The following PHLPP1 variants were observed in gnomAD, a reference collection of about 807,000 sequenced individuals.
The protein encoded by PHLPP1 is PH domain leucine-rich repeat-containing protein phosphatase 1.
Under a neutral mutation model 117.2 loss-of-function variants are expected in PHLPP1, and 42 were observed. The observed-to-expected ratio is 0.36, with a 90% CI of 0.28 to 0.46. The LOEUF (loss-of-function observed/expected upper bound fraction) is 0.46, where lower values mean the gene tolerates loss of function less well. PHLPP1 is among the 20% of genes least tolerant of loss of function. The pLI is 1.00. For missense variants in PHLPP1, 2,084 were observed against 2,241.9 expected (o/e 0.93, Z 1.42); for synonymous variants, 1,042 against 970.7 (o/e 1.07, Z -1.37).
chr18:62,782,264 T>C (rs1037795706), intron 1 of PHLPP1, among the ~76,000 whole-genome samples: 2 of 152,264 alleles, frequency 1.3e-5, no homozygotes, highest in African/African-American at 4.8e-5. Context: ...GATTTTTGCT[T>C]GTATTTGTGA....
chr18:62,721,034 G>A (rs1232392535), intron 1 of PHLPP1, among the ~76,000 whole-genome samples: 7 of 152,122 alleles, frequency 4.6e-5, no homozygotes, highest in African/African-American at 1.7e-4. Flanking sequence ...CACTTTCCAT[G>A]AATCGATGCT....
intron 15 of PHLPP1, among the ~76,000 whole-genome samples, chr18:62,973,814 T>C (rs1834382462): frequency 6.6e-6 from 1 of 152,180 alleles, no homozygotes; most frequent in Non-Finnish European, 1.5e-5. Flanking sequence ...GTGTCATAAA[T>C]TGTTACCAGT....
rs187340249 is a variant in PHLPP1, at chr18:62,751,055, T to C, written c.1576+33796T>C. ...AAAACCAACACCAACAAAAAAGCAG[T>C]GTTAGCCACGTTTGATTTTTTCGGT... On this transcript the variant is annotated intron_variant, in intron 1 of 16. Transcript: ENST00000262719. Among the ~76,000 whole-genome samples the C allele has an allele frequency of 1.8e-4, 28 of 152,294 alleles. 1 individual carries two copies. In the East Asian group the frequency reaches 4.4e-3, roughly 24 times the overall value.
chr18:62,896,378 G>A (rs1599108470), intron 6 of PHLPP1, among the ~76,000 whole-genome samples: 1 of 148,812 alleles, frequency 6.7e-6, no homozygotes, highest in African/African-American at 2.5e-5. Flanking sequence ...TGCAAGCTCC[G>A]CCTGCCAGGT....
chr18:62,834,114 C>T (rs539496064), intron 2 of PHLPP1, among the ~76,000 whole-genome samples: 5 of 152,002 alleles, frequency 3.3e-5, no homozygotes, highest in South Asian at 2.1e-4. Context: ...GGGGGGTGGG[C>T]GTTTCTTTTG....
chr18:62,922,383 C>T (rs1229036316), intron 10 of PHLPP1, among the ~76,000 whole-genome samples: 1 of 152,198 alleles, frequency 6.6e-6, no homozygotes, highest in Non-Finnish European at 1.5e-5. Flanking sequence ...GTGATCCACC[C>T]GCCTTGGCCT....
intron 10 of PHLPP1, among the ~76,000 whole-genome samples, chr18:62,924,526 G>A (rs117765523): frequency 0.01 from 1,571 of 151,814 alleles, 16 homozygotes; most frequent in Non-Finnish European, 0.015. Context: ...TTTTAATTAC[G>A]TGATACTGTC....
chr18:62,915,754 A>C (rs1909250367), intron 9 of PHLPP1, among the ~76,000 whole-genome samples: 2 of 152,230 alleles, frequency 1.3e-5, no homozygotes, highest in Non-Finnish European at 2.9e-5. Flanking sequence ...AGTGCTCTGC[A>C]TCTGTGCTGG....
chr18:62,862,569 A>G (rs1276707206), intron 4 of PHLPP1, among the ~76,000 whole-genome samples: 1 of 152,210 alleles, frequency 6.6e-6, no homozygotes, highest in Non-Finnish European at 1.5e-5. Context: ...ATGTCTGCCA[A>G]ATACCCAAGT....
chr18:62,892,911 TTCTGAAAGGGTCTCGGGTACC>T (rs1916463483), intron 4 of PHLPP1, among the ~76,000 whole-genome samples: 2 of 151,860 alleles, frequency 1.3e-5, no homozygotes, highest in South Asian at 4.2e-4. Context: ...CATGTGGATC[TTCTGAAAGGGTCTCGGGTACC>T]TCCTCTGGGG....
At chr18:62,862,729 G>A (rs1173630583) in intron 4 of PHLPP1, among the ~76,000 whole-genome samples, 1 of 152,122 alleles carries the variant, frequency 6.6e-6, no homozygotes, top group East Asian at 1.9e-4. Context: ...AGTGTTTTTT[G>A]TGTACTTCCT....
chr18:62,873,633 G>A (rs1915965000), intron 4 of PHLPP1, among the ~76,000 whole-genome samples: 1 of 152,094 alleles, frequency 6.6e-6, no homozygotes. Context: ...TCTAGAAATG[G>A]AATTACTTTT....
At chr18:62,736,120 G>A (rs1459872227) in intron 1 of PHLPP1, among the ~76,000 whole-genome samples, 4 of 152,128 alleles carry the variant, frequency 2.6e-5, no homozygotes, top group Non-Finnish European at 5.9e-5. Flanking sequence ...ACCTCTGCTT[G>A]TCCATTCCTG....
chr18:62,916,605 G>GGTGTGGGTGTGTGTGTGTGT (rs1555681662), intron 9 of PHLPP1, among the ~76,000 whole-genome samples: 5 of 145,768 alleles, frequency 3.4e-5, no homozygotes, highest in African/African-American at 1.3e-4. Flanking sequence ...CAAGAGGGTG[G>GGTGTGGGTGTGTGTGTGTGT]GTGTGTGTGT....
chr18:62,952,092 ACAGGCGTGAGCCACCG>A (rs1210014809), intron 12 of PHLPP1, among the ~76,000 whole-genome samples: 8 of 151,900 alleles, frequency 5.3e-5, no homozygotes, highest in Non-Finnish European at 1.5e-5. Context: ...TGCTGGGATT[ACAGGCGTGAGCCACCG>A]CGCCCGGCCA....
intron 1 of PHLPP1, among the ~76,000 whole-genome samples, chr18:62,782,115 A>G (rs775339611): frequency 6.6e-6 from 1 of 152,316 alleles, no homozygotes. Context: ...TCAGATGCCA[A>G]AGGGGTTTGT....
chr18:62,777,642 T>C (rs556028336), intron 1 of PHLPP1, among the ~76,000 whole-genome samples: 2 of 152,182 alleles, frequency 1.3e-5, no homozygotes, highest in African/African-American at 2.4e-5. Flanking sequence ...TGAGTTTTCT[T>C]CTAGAAGCTC....
intron 12 of PHLPP1, among the ~76,000 whole-genome samples, chr18:62,949,356 A>G (rs538747144): frequency 6.6e-6 from 1 of 152,328 alleles, no homozygotes; most frequent in South Asian, 2.1e-4. Flanking sequence ...ATGCTAAAAT[A>G]TGTTTTTAAA....
At chr18:62,764,648 A>G (rs1599033662) in intron 1 of PHLPP1, among the ~76,000 whole-genome samples, 1 of 135,444 alleles carries the variant, frequency 7.4e-6, no homozygotes, top group Non-Finnish European at 1.6e-5. Context: ...GCTACTCGAG[A>G]GGCTGAGCAC....
Sources: gnomAD v4.1 joint callset for allele counts (sites outside exome capture counted in the v4.1 genomes callset) on GRCh38, gnomAD v4.1.1 for gene constraint, MANE v1.5 for transcripts, NCBI Gene and HGNC (gene_info 2026-07-23, HGNC 2026-07-21) for gene names.